The following THBS2 variants were observed in gnomAD, a reference collection of about 807,000 sequenced individuals.
THBS2 encodes thrombospondin 2.
A neutral mutation model predicts 135.2 loss-of-function variants in THBS2; 47 were observed. That is an observed-to-expected ratio of 0.35 (90% confidence interval 0.28 to 0.44). The LOEUF (loss-of-function observed/expected upper bound fraction) is 0.44, where lower values mean the gene tolerates loss of function less well. Among genes scored for constraint, THBS2 ranks in the 20% least tolerant of loss-of-function variants. The pLI, the probability that THBS2 is intolerant of heterozygous loss-of-function variation, is 1.00. For missense variants in THBS2, 1,288 were observed against 1,603.1 expected (o/e 0.80, Z 3.36); for synonymous variants, 639 against 633.8 (o/e 1.01, Z -0.12).
Position 169,223,295 on chromosome 6 carries a change from C to T in THBS2, c.2954G>A (p.Gly985Asp), listed in dbSNP as rs769130833. 6.2e-7 allele frequency: 1 copy of T among 1,614,188 alleles called. No individual in the cohort carries two copies. The highest frequency in any genetic ancestry group is 1.7e-5 in the Admixed American group (1 of 60,020). ...GTTGGCTGTCTGAACCAGCTCCTTG[C>T]CTTGATGGCGAATGACCCAGTTGGG... ...IDPNWVIRHQ[G>D]KELVQTANSD... is the part of the protein sequence containing the mutation. Residue 985 changes from glycine (G) to aspartate (D), a missense_variant, in exon 18 of 22, where the codon GGC (glycine) becomes GAC (aspartate). This residue lies in a region of THBS2 where 874 missense variants were observed against 1,156.1 expected (regional missense o/e 0.76). Transcript: ENST00000617924.
At chr6:169,250,861 G>A in intron 1 of THBS2, 55 bp from the exon 2 acceptor site, 2 of 1,324,232 alleles carry the variant, frequency 1.5e-6, no homozygotes, top group South Asian at 1.3e-5. Context: ...AACCCTGCCT[G>A]TGAGCGAGAC....
chr6:169,228,868 G>A (rs1292108449), intron 14 of THBS2, among the ~76,000 whole-genome samples: 1 of 145,092 alleles, frequency 6.9e-6, no homozygotes, highest in African/African-American at 2.6e-5. Flanking sequence ...AGATTGCAGT[G>A]AGCCAAGATC....
At chr6:169,247,368 T>C (rs940619253) in intron 3 of THBS2, among the ~76,000 whole-genome samples, 1 of 152,200 alleles carries the variant, frequency 6.6e-6, no homozygotes, top group Non-Finnish European at 1.5e-5. Flanking sequence ...CCTGTTTGTA[T>C]ACACATGTGT....
chr6:169,219,135 AATGG>A (rs1230572638), intron 21 of THBS2, among the ~76,000 whole-genome samples: 1 of 143,228 alleles, frequency 7.0e-6, no homozygotes, highest in Non-Finnish European at 1.5e-5. Flanking sequence ...GGATGAGATG[AATGG>A]ATGGATGGGA....
intron 4 of THBS2, among the ~76,000 whole-genome samples, chr6:169,245,301 T>C (rs1473598878): frequency 1.3e-5 from 2 of 152,222 alleles, no homozygotes; most frequent in Admixed American, 6.5e-5. Context: ...GTAGTCATTC[T>C]GAAGATTAGA....
intron 10 of THBS2, 78 bp downstream of exon 10, chr6:169,234,656 T>C (rs1402265686): frequency 7.5e-7 from 1 of 1,341,156 alleles, no homozygotes; most frequent in African/African-American, 1.5e-5. Context: ...GTTTTTCATC[T>C]AGTTTCCCAA....
At chr6:169,228,585 C>G (rs1779722455) in intron 14 of THBS2, among the ~76,000 whole-genome samples, 1 of 151,628 alleles carries the variant, frequency 6.6e-6, no homozygotes, top group South Asian at 2.1e-4. Flanking sequence ...AGTTCAAGAC[C>G]AGGGCCGGGC....
rs771257805 is a variant in THBS2, at chr6:169,228,177, G to C, written c.2364C>G (p.Ile788Met). The change falls in exon 15 of 22, where the codon ATC becomes ATG. Residue 788 changes from isoleucine (I) to methionine (M), a missense_variant. Around this residue, in one of 2 missense-constraint regions of THBS2, gnomAD observed 874 missense variants for 1,156.1 expected, o/e 0.76. Transcript: ENST00000617924. Reference sequence around the variant, plus strand: ...CACCCTCTCCATTGTTGTCTGTGTCGATCTGGGCAGGGTTGTGCACGTAAG... The same window carrying C: ...CACCCTCTCCATTGTTGTCTGTGTCCATCTGGGCAGGGTTGTGCACGTAAG... ...NCPYVHNPAQ[I>M]DTDNNGEGDA... is the part of the protein sequence containing the mutation. The C allele has an allele frequency of 1.2e-6, 2 of 1,613,934 alleles. No individual in the cohort carries two copies. Among genetic ancestry groups the C allele is most frequent in the Non-Finnish European group, 8.5e-7 (1 of 1,180,020 alleles).
Position 169,216,252 on chromosome 6 carries a change from T to C in THBS2, c.*1570A>G, listed in dbSNP as rs1040. On this transcript the variant is annotated 3_prime_UTR_variant, in exon 22 of 22. Transcript: ENST00000617924. ...GTACATTAAGACTAAAGTTATGGAT[T>C]GTTCCTGTTTGGCATAGAAATGTGA... 0.62 allele frequency: 94,443 copies of C among 152,066 alleles called. 30,159 individuals are homozygous for C. Among genetic ancestry groups the C allele is most frequent in the African/African-American group, 0.75 (31,200 of 41,478 alleles). The allele number at this position is 152,066 out of a possible 1,614,324, so 9.4% of individuals were successfully genotyped here.
At chr6:169,225,782 C>T (rs948853470) in intron 16 of THBS2, among the ~76,000 whole-genome samples, 2 of 152,154 alleles carry the variant, frequency 1.3e-5, no homozygotes, top group African/African-American at 4.8e-5. Flanking sequence ...CAAACGCAAA[C>T]CTGGAAATGA....
chr6:169,249,482 C>T (rs1780683384), intron 2 of THBS2, among the ~76,000 whole-genome samples: 1 of 152,226 alleles, frequency 6.6e-6, no homozygotes, highest in African/African-American at 2.4e-5. Flanking sequence ...AGACATGGAT[C>T]TTTAGCCTTG....
chr6:169,251,688 T>C (rs1052525989), intron 1 of THBS2, among the ~76,000 whole-genome samples: 4 of 152,188 alleles, frequency 2.6e-5, no homozygotes, highest in African/African-American at 9.6e-5. Context: ...TAACTTCTCA[T>C]TGTTAATCCA....
In THBS2 at chr6:169,225,192, C is replaced by T. The variant is rs1779579659; in HGVS notation, c.2726G>A (p.Arg909Lys). Residue 909 changes from arginine to lysine, a missense_variant, in exon 17 of 22, where the codon AGG becomes AAG. Coordinates refer to ENST00000617924, the MANE Select transcript of THBS2 (RefSeq NM_003247.5). ...GTTGAACACAAGCCGGCAGTTGTCC[C>T]TGTCATCGGGGACGCCATCGTTGTC... ...DDDNDGVPDD[R>K]DNCRLVFNPD... 1 of 1,614,118 alleles carries T rather than the reference C, an allele frequency of 6.2e-7. No individual in the cohort carries two copies. The highest frequency in any genetic ancestry group is 8.5e-7 in the Non-Finnish European group (1 of 1,180,052).
rs1013711914 is a variant in THBS2, at chr6:169,234,872, C to T, written c.1513G>A (p.Ala505Thr). 1.9e-6 allele frequency: 3 copies of T among 1,611,890 alleles called. No homozygotes were observed. The highest frequency in any genetic ancestry group is 2.5e-6 in the Non-Finnish European group (3 of 1,179,074). Reference protein sequence around the residue: ...GRWSPWSPWSACTVTCAGGIR... With the variant: ...GRWSPWSPWSTCTVTCAGGIR... The stretch of plus-strand genomic sequence containing the variant: ...CCACCGGCACAGGTGACAGTGCAGG[C>T]CGACCACGGGGACCAGGGGCTCCAG... The change falls in exon 10 of 22, where the codon GCC (alanine) becomes ACC (threonine). Residue 505 changes from alanine (A) to threonine (T), a missense_variant. By Grantham distance (58) the Ala-to-Thr change is moderately conservative. Around this residue, in one of 2 missense-constraint regions of THBS2, gnomAD observed 874 missense variants for 1,156.1 expected, o/e 0.76. Coordinates refer to ENST00000617924, the MANE Select transcript of THBS2 (RefSeq NM_003247.5).
At chr6:169,243,276 G>A (rs1443943178) in intron 4 of THBS2, among the ~76,000 whole-genome samples, 1 of 152,094 alleles carries the variant, frequency 6.6e-6, no homozygotes, top group Non-Finnish European at 1.5e-5. Context: ...GGTATGGCAT[G>A]TAATTTACAA....
chr6:169,223,520 C>T, intron 17 of THBS2, 45 bp from the exon 18 acceptor site: 1 of 1,568,124 alleles, frequency 6.4e-7, no homozygotes, highest in Non-Finnish European at 8.7e-7. Flanking sequence ...AACAAAGAAG[C>T]AAAGTCGGTG....
In THBS2 at chr6:169,217,957, G is replaced by A. The variant is rs1779236078; in HGVS notation, c.3512-128C>T. 3 of 782,242 alleles carry A rather than the reference G, an allele frequency of 3.8e-6. No homozygotes were observed. In the Admixed American group the frequency reaches 9.5e-5, roughly 25 times the overall value. The allele number at this position is 782,242 out of a possible 1,614,324, so 48.5% of individuals were successfully genotyped here. On this transcript the variant is annotated intron_variant, in intron 21 of 21. Coordinates refer to ENST00000617924, the MANE Select transcript of THBS2 (RefSeq NM_003247.5). ...AAAGATGAGATCTATCATATGGATGGATGGATGGATGGATGAAATGGATGG... is the reference window on the plus strand; with the variant it reads ...AAAGATGAGATCTATCATATGGATGAATGGATGGATGGATGAAATGGATGG...
chr6:169,224,628 G>A (rs193073499), intron 17 of THBS2, among the ~76,000 whole-genome samples: 19 of 152,310 alleles, frequency 1.2e-4, no homozygotes, highest in East Asian at 1.9e-4. Flanking sequence ...ACTCAGGGAC[G>A]CTGACTTAGA....
intron 12 of THBS2, 147 bp downstream of exon 12, chr6:169,232,517 C>T: frequency 7.4e-7 from 1 of 1,356,896 alleles, no homozygotes; most frequent in South Asian, 1.4e-5. Flanking sequence ...CCCAGCCGAG[C>T]AGGTGCTCAG....
Sources: allele counts gnomAD v4.1 joint callset (sites outside exome capture counted in the v4.1 genomes callset), GRCh38; gene constraint gnomAD v4.1.1; regional missense constraint gnomAD v4.1.1; transcripts MANE v1.5; gene names NCBI Gene and HGNC (gene_info 2026-07-23, HGNC 2026-07-21).